The following WDR7 variants were observed in gnomAD, a reference collection of about 807,000 sequenced individuals.
WDR7 encodes WD repeat domain 7.
WDR7 carries 46 observed loss-of-function variants against 169.4 expected under a neutral mutation model. The ratio of observed to expected loss-of-function variants is 0.27; its 90% CI spans 0.21 to 0.35. The LOEUF is 0.35. Ranked by LOEUF, WDR7 falls within the 10% of genes least tolerant of loss-of-function variation. The probability of loss-of-function intolerance (pLI) is 1.00; values close to 1 mark genes in which losing one functional copy is unlikely to be tolerated. For missense variants in WDR7, 1,534 were observed against 1,859.3 expected (o/e 0.83, Z 3.22); for synonymous variants, 612 against 666.8 (o/e 0.92, Z 1.27).
At chr18:56,955,804 A>G (rs562042451) in intron 25 of WDR7, among the ~76,000 whole-genome samples, 2 of 152,268 alleles carry the variant, frequency 1.3e-5, no homozygotes, top group South Asian at 4.1e-4. Context: ...AATAAGTACC[A>G]TTATTGTTCC....
intron 14 of WDR7, among the ~76,000 whole-genome samples, chr18:56,748,903 A>G (rs1227087277): frequency 6.6e-6 from 1 of 151,846 alleles, no homozygotes; most frequent in Non-Finnish European, 1.5e-5. Context: ...GTTTCTTGAT[A>G]TTTTCTAATT....
At chr18:56,762,138 G>A (rs1181546826) in intron 16 of WDR7, among the ~76,000 whole-genome samples, 1 of 151,946 alleles carries the variant, frequency 6.6e-6, no homozygotes, top group Non-Finnish European at 1.5e-5. Context: ...GGCAAATTTA[G>A]AACATAAACC....
chr18:56,720,056 T>G (rs913147291), intron 13 of WDR7, among the ~76,000 whole-genome samples: 1 of 152,214 alleles, frequency 6.6e-6, no homozygotes. Flanking sequence ...CTTGGGAATA[T>G]GACTTTATCT....
At chr18:57,020,578 G>A (rs2048274277) in intron 26 of WDR7, among the ~76,000 whole-genome samples, 167 bp from the exon 27 acceptor site, 3 of 152,216 alleles carry the variant, frequency 2.0e-5, no homozygotes, top group Admixed American at 6.5e-5. Flanking sequence ...CTCAATGAGA[G>A]AACGTCTGTT....
intron 12 of WDR7, among the ~76,000 whole-genome samples, chr18:56,699,024 A>T (rs908450454): frequency 6.6e-6 from 1 of 152,228 alleles, no homozygotes; most frequent in African/African-American, 2.4e-5. Flanking sequence ...CTGAACTTAA[A>T]ATGAAAGTTA....
At chr18:56,851,602 T>C (rs2045641627) in intron 20 of WDR7, among the ~76,000 whole-genome samples, 1 of 152,192 alleles carries the variant, frequency 6.6e-6, no homozygotes, top group African/African-American at 2.4e-5. Flanking sequence ...CAACAATTGT[T>C]TGTTGCCTGA....
intron 14 of WDR7, among the ~76,000 whole-genome samples, chr18:56,733,934 A>G (rs984029287): frequency 9.9e-5 from 15 of 152,148 alleles, no homozygotes; most frequent in African/African-American, 3.6e-4. Context: ...CTGCTGTGCA[A>G]TAACTATGTG....
intron 26 of WDR7, among the ~76,000 whole-genome samples, chr18:56,982,572 C>A (rs1449446069): frequency 1.3e-5 from 2 of 152,112 alleles, no homozygotes; most frequent in Non-Finnish European, 2.9e-5. Context: ...TAATTTTTCA[C>A]CTTTTTCCAT....
intron 19 of WDR7, among the ~76,000 whole-genome samples, chr18:56,814,628 G>A (rs892267712): frequency 7.9e-5 from 12 of 151,910 alleles, no homozygotes; most frequent in African/African-American, 2.9e-4. Context: ...CAGACACCGG[G>A]GTGTACTTGA....
At chr18:56,954,904 C>A (rs1483180305) in intron 25 of WDR7, among the ~76,000 whole-genome samples, 1 of 152,074 alleles carries the variant, frequency 6.6e-6, no homozygotes, top group African/African-American at 2.4e-5. Flanking sequence ...CTTACCTTTT[C>A]TTAAACTTCG....
At chr18:56,705,992 C>T (rs532672883) in intron 12 of WDR7, among the ~76,000 whole-genome samples, 3 of 152,230 alleles carry the variant, frequency 2.0e-5, no homozygotes, top group East Asian at 3.9e-4. Context: ...AGGGAGATGC[C>T]GTCTCAAAAA....
chr18:56,730,780 T>TA lies in WDR7; in HGVS notation c.1775-597dup, dbSNP rs1259057617. On this transcript the variant is annotated intron_variant, in intron 13 of 27. Coordinates refer to ENST00000254442, the MANE Select transcript of WDR7 (RefSeq NM_015285.3). ...GATTCTGTCTCAAAAAAATAAAAAA[T>TA]AAAAAATAAATAAATAAATAAGTAA... 2.0e-5 allele frequency among the ~76,000 whole-genome samples: 3 copies of TA among 151,744 alleles called. No individual in the cohort carries two copies. The East Asian group carries it at 5.8e-4, about 29-fold the overall frequency.
chr18:57,017,347 A>G (rs542156557), intron 26 of WDR7, among the ~76,000 whole-genome samples: 1 of 151,728 alleles, frequency 6.6e-6, no homozygotes, highest in Admixed American at 6.6e-5. Context: ...TGCAGTCAGC[A>G]CTCTGTGGTT....
At chr18:56,784,109 G>A (rs976007776) in intron 19 of WDR7, among the ~76,000 whole-genome samples, 11 of 152,064 alleles carry the variant, frequency 7.2e-5, no homozygotes, top group African/African-American at 2.7e-4. Context: ...TTGCCATCAC[G>A]GCCTGCCTCT....
rs535266911 is a variant in WDR7 at position 56,885,002 on chromosome 18, C to T, written c.3526+4837C>T. Among the ~76,000 whole-genome samples the T allele has an allele frequency of 1.2e-4, 18 of 152,254 alleles. No homozygotes were observed. The South Asian group carries it at 3.3e-3, about 28-fold the overall frequency. On this transcript the variant is annotated intron_variant, in intron 21 of 27. Transcript: ENST00000254442. ...AATGCCTCAGTCCCAGCCCAGAGCCCGGTAGCTCTGCTGGCTGTCTAGACC... is the reference window on the plus strand; with the variant it reads ...AATGCCTCAGTCCCAGCCCAGAGCCTGGTAGCTCTGCTGGCTGTCTAGACC...
chr18:56,665,617 A>T (rs1045316265), intron 1 of WDR7, among the ~76,000 whole-genome samples: 5 of 152,204 alleles, frequency 3.3e-5, no homozygotes, highest in Admixed American at 3.3e-4. Context: ...CTCTATCATA[A>T]TTTATTTAAT....
chr18:56,946,872 C>T (rs985806612), intron 25 of WDR7, among the ~76,000 whole-genome samples: 6 of 152,058 alleles, frequency 3.9e-5, no homozygotes, highest in Non-Finnish European at 5.9e-5. Context: ...GAGTTGTTTA[C>T]GTAGCTATAG....
At chr18:56,906,029 A>G (rs1444064376) in intron 21 of WDR7, among the ~76,000 whole-genome samples, 1 of 93,648 alleles carries the variant, frequency 1.1e-5, no homozygotes, top group African/African-American at 3.3e-5. Context: ...ATGATGGAAT[A>G]TAATCATTTT....
chr18:56,917,859 A>G (rs2046650689), intron 21 of WDR7, among the ~76,000 whole-genome samples: 1 of 148,570 alleles, frequency 6.7e-6, no homozygotes, highest in Non-Finnish European at 1.5e-5. Context: ...AGCACCTTTA[A>G]AAAAAAAGTA....
Sources: allele counts gnomAD v4.1 joint callset (sites outside exome capture counted in the v4.1 genomes callset), GRCh38; gene constraint gnomAD v4.1.1; transcripts MANE v1.5; gene names NCBI Gene and HGNC (gene_info 2026-07-23, HGNC 2026-07-21).